Variants in NBEAL1 observed in about 807,000 individuals in gnomAD.
The protein encoded by NBEAL1 is neurobeachin like 1, also known as neurobeachin-like protein 1.
NBEAL1 carries 273 observed loss-of-function variants against 351.3 expected under a neutral mutation model. The ratio of observed to expected loss-of-function variants is 0.78; its 90% CI spans 0.70 to 0.86. NBEAL1 has a LOEUF of 0.86. Among genes scored for constraint, NBEAL1 ranks in the 40% least tolerant of loss-of-function variants. NBEAL1 has a pLI of 0.00. For synonymous variants in NBEAL1, 1,050 were observed against 1,086.4 expected (o/e 0.97, Z 0.66); for missense variants, 2,961 against 3,201.3 (o/e 0.92, Z 1.81).
intron 33 of NBEAL1, among the ~76,000 whole-genome samples, chr2:203,147,520 G>C (rs1305647874): frequency 6.6e-6 from 1 of 151,992 alleles, no homozygotes; most frequent in African/African-American, 2.4e-5. Context: ...GATTAAAGAA[G>C]ACCTAAATAA....
intron 51 of NBEAL1, among the ~76,000 whole-genome samples, chr2:203,203,326 T>C (rs1559062729): frequency 2.0e-5 from 3 of 151,550 alleles, no homozygotes; most frequent in African/African-American, 2.4e-5. Context: ...TTATTGTATT[T>C]TTTGTATTTT....
intron 8 of NBEAL1, among the ~76,000 whole-genome samples, chr2:203,082,299 T>C (rs779772781): frequency 6.6e-6 from 1 of 152,214 alleles, no homozygotes; most frequent in Non-Finnish European, 1.5e-5. Context: ...AAAACATCAG[T>C]TTCTCTGAAT....
chr2:203,107,939 A>G lies in NBEAL1; in HGVS notation c.1700A>G (p.Asp567Gly). ...IRRLLRLLRVDESESVHPYVT... is the reference protein window; with the variant it reads ...IRRLLRLLRVGESESVHPYVT... ...CGACTACTGAGATTGCTGAGAGTGG[A>G]TGAATCTGAGTCTGTTCACCCTTAT... is the stretch of plus-strand genomic sequence containing the variant. Residue 567 changes from aspartate (D) to glycine (G), a missense_variant, in exon 14 of 56, where the codon GAT becomes GGT. Transcript: ENST00000683969. The G allele has an allele frequency of 6.4e-7, 1 of 1,553,946 alleles. No homozygotes were observed.
intron 2 of NBEAL1, among the ~76,000 whole-genome samples, chr2:203,018,730 C>G (rs2060720508): frequency 6.6e-6 from 1 of 152,098 alleles, no homozygotes; most frequent in Non-Finnish European, 1.5e-5. Context: ...TTGACTATTA[C>G]CAGCTCATGT....
intron 45 of NBEAL1, among the ~76,000 whole-genome samples, chr2:203,189,655 G>A (rs1458890649): frequency 6.6e-6 from 1 of 151,914 alleles, no homozygotes; most frequent in East Asian, 1.9e-4. Flanking sequence ...CCAAAGTGCT[G>A]GGATTACAGG....
rs1364216146 is a variant in NBEAL1 at position 203,125,975 on chromosome 2, G to T, written c.2867G>T (p.Arg956Ile). The change falls in exon 21 of 56, where the codon AGA (arginine) becomes ATA (isoleucine). Residue 956 changes from arginine (R) to isoleucine (I), a missense_variant. By Grantham distance (97) the Arg-to-Ile change is moderately conservative. Transcript: ENST00000683969. ...GATTCTACAGAGTCAAGACTAGAGA[G>T]AAACCTAGTTGCAACATTTATCTTA... ...STKASESRLERNLVATFILIV... is the reference protein window; with the variant it reads ...STKASESRLEINLVATFILIV... 18 of 1,534,478 alleles carry T rather than the reference G, an allele frequency of 1.2e-5. No individual in the cohort carries two copies. The highest frequency in any genetic ancestry group is 1.4e-5 in the Non-Finnish European group (16 of 1,140,428).
At chr2:203,094,447 A>T (rs983042526) in intron 10 of NBEAL1, among the ~76,000 whole-genome samples, 14 of 152,230 alleles carry the variant, frequency 9.2e-5, no homozygotes, top group Admixed American at 9.2e-4. Context: ...ATATAGTAGT[A>T]TAGAATAAAG....
At chr2:203,180,254 T>A (rs529183150) in intron 42 of NBEAL1, 128 bp from the exon 43 acceptor site, 1 of 708,960 alleles carries the variant, frequency 1.4e-6, no homozygotes, top group Non-Finnish European at 2.3e-6. Context: ...CATGTAGGCA[T>A]TAAAGAGGAG....
intron 54 of NBEAL1, among the ~76,000 whole-genome samples, chr2:203,212,598 C>G (rs1037708661): frequency 7.1e-6 from 1 of 140,868 alleles, no homozygotes; most frequent in African/African-American, 2.7e-5. Flanking sequence ...CAGAGCGAGA[C>G]TCCATCTCAA....
At chr2:203,170,947 A>C (rs2064300227) in intron 39 of NBEAL1, among the ~76,000 whole-genome samples, 4 of 152,188 alleles carry the variant, frequency 2.6e-5, no homozygotes, top group Admixed American at 2.0e-4. Context: ...TTGTAACAAA[A>C]ATTTCTAAGT....
At position 203,144,633 on chromosome 2, in the gene NBEAL1, C is replaced by T; in HGVS notation, c.4882C>T (p.Leu1628Phe). Residue 1628 changes from leucine (L) to phenylalanine (F), a missense_variant, in exon 32 of 56, where the codon CTT (leucine) becomes TTT (phenylalanine). Transcript: ENST00000683969. ...CAMASAKLNT[L>F]LQTKVIENQD... is the part of the protein sequence containing the mutation. ...AATGGCATCAGCTAAGCTAAATACC[C>T]TTCTTCAGACCAAAGTGATTGAAAA... 1.2e-6 allele frequency: 2 copies of T among 1,614,000 alleles called. No individual in the cohort carries two copies. The highest frequency in any genetic ancestry group is 1.7e-6 in the Non-Finnish European group (2 of 1,179,944).
intron 2 of NBEAL1, among the ~76,000 whole-genome samples, chr2:203,016,684 AATT>A (rs1246930957): frequency 1.3e-5 from 2 of 152,188 alleles, no homozygotes; most frequent in African/African-American, 4.8e-5. Flanking sequence ...ATGATCCTAA[AATT>A]ATATAAGTAA....
chr2:203,091,192 A>G (rs545654699), intron 10 of NBEAL1, among the ~76,000 whole-genome samples: 1 of 152,170 alleles, frequency 6.6e-6, no homozygotes, highest in South Asian at 2.1e-4. Context: ...GTCTCTATGA[A>G]TTTGACTACT....
intron 2 of NBEAL1, among the ~76,000 whole-genome samples, chr2:203,030,735 A>G (rs1294297562): frequency 6.6e-6 from 1 of 152,214 alleles, no homozygotes; most frequent in Non-Finnish European, 1.5e-5. Context: ...CAGAGATTAT[A>G]AAATAAATAT....
At chr2:203,157,420 TAAAG>T (rs1027269564) in intron 35 of NBEAL1, among the ~76,000 whole-genome samples, 271 of 152,216 alleles carry the variant, frequency 1.8e-3, no homozygotes, top group African/African-American at 6.3e-3. Context: ...TAAATATAAA[TAAAG>T]AGAGTACTTG....
At chr2:203,041,956 C>A in intron 3 of NBEAL1, 100 bp downstream of exon 3, 1 of 755,520 alleles carries the variant, frequency 1.3e-6, no homozygotes, top group Admixed American at 2.2e-5. Flanking sequence ...TTATGTTACC[C>A]TCTTGATACT....
intron 18 of NBEAL1, among the ~76,000 whole-genome samples, chr2:203,118,962 T>G (rs1359286175): frequency 9.4e-6 from 1 of 106,288 alleles, no homozygotes; most frequent in South Asian, 3.3e-4. Flanking sequence ...ACATTAAAGT[T>G]GGATTTTTTT....
Position 203,224,536 on chromosome 2 carries a change from T to C in NBEAL1, c.*7182T>C, listed in dbSNP as rs372574680. On this transcript the variant is annotated 3_prime_UTR_variant, in exon 56 of 56. Transcript: ENST00000683969. ...GGACTCCAATAGCATTTCAGTGTTA[T>C]AGAGAGTGACAGTGACTTGAATGCA... Among the ~76,000 whole-genome samples the C allele has an allele frequency of 2.6e-5, 4 of 152,140 alleles. No individual in the cohort carries two copies. Among genetic ancestry groups the C allele is most frequent in the East Asian group, 1.9e-4 (1 of 5,204 alleles).
At chr2:203,090,802 T>C (rs1415402139) in intron 10 of NBEAL1, among the ~76,000 whole-genome samples, 1 of 151,956 alleles carries the variant, frequency 6.6e-6, no homozygotes, top group African/African-American at 2.4e-5. Context: ...GGCAAGAGAA[T>C]TGCTTGAACC....
Sources: gnomAD v4.1 joint callset for allele counts (sites outside exome capture counted in the v4.1 genomes callset) on GRCh38, gnomAD v4.1.1 for gene constraint, MANE v1.5 for transcripts, NCBI Gene and HGNC (gene_info 2026-07-23, HGNC 2026-07-21) for gene names.